TCF20: variants seen among roughly 807,000 people sequenced by gnomAD.
TCF20 encodes transcription factor 20.
Under a neutral mutation model 148.6 loss-of-function variants are expected in TCF20, and 3 were observed. The observed-to-expected ratio is 0.02, with a 90% CI of 0.01 to 0.05. The LOEUF is 0.05. Among genes scored for constraint, TCF20 ranks in the 10% least tolerant of loss-of-function variants. The pLI is 1.00. For missense variants in TCF20, 2,350 were observed against 2,429.3 expected, an observed-to-expected ratio of 0.97 and a Z score of 0.69; for synonymous variants, 1,049 against 909.5, an observed-to-expected ratio of 1.15 and a Z score of -2.76.
intron 1 of TCF20, among the ~76,000 whole-genome samples, chr22:42,267,127 C>T (rs150711424): frequency 7.6e-4 from 116 of 152,070 alleles, no homozygotes; most frequent in African/African-American, 2.6e-3. Context: ...ATTAGCCAGG[C>T]GAGGTGGCGC....
At chr22:42,229,536 A>T (rs1923207167) in intron 1 of TCF20, among the ~76,000 whole-genome samples, 1 of 152,196 alleles carries the variant, frequency 6.6e-6, no homozygotes, top group South Asian at 2.1e-4. Flanking sequence ...CAAGAGAGTA[A>T]CGCAGGTACA....
chr22:42,220,014 G>A (rs1159631770), intron 1 of TCF20, among the ~76,000 whole-genome samples: 1 of 152,184 alleles, frequency 6.6e-6, no homozygotes, highest in African/African-American at 2.4e-5. Flanking sequence ...ACATTCCAGA[G>A]TCCATGTGCC....
chr22:42,214,639 C>T lies in TCF20; in HGVS notation c.667G>A (p.Gly223Ser), dbSNP rs781176775. 1.9e-6 allele frequency: 3 copies of T among 1,614,024 alleles called. No homozygotes were observed. The highest frequency in any genetic ancestry group is 2.5e-6 in the Non-Finnish European group (3 of 1,180,044). ...RPSTLPSSAA[G>S]YQLRVGQFGQ... ...AACTGACCCACTCTTAACTGGTAAC[C>T]AGCAGCAGAGGATGGCAGAGTTGAG... Residue 223 changes from glycine to serine, a missense_variant, in exon 2 of 6, where the codon GGT becomes AGT. By Grantham distance (56) the Gly-to-Ser change is moderately conservative. Around this residue, in one of 7 missense-constraint regions of TCF20, gnomAD observed 1,641 missense variants for 1,662.6 expected, o/e 0.99. Coordinates refer to ENST00000677622, the MANE Select transcript of TCF20 (RefSeq NM_001378418.1).
intron 1 of TCF20, among the ~76,000 whole-genome samples, chr22:42,216,750 T>C (rs1005345495): frequency 2.0e-5 from 3 of 151,950 alleles, no homozygotes; most frequent in Non-Finnish European, 4.4e-5. Flanking sequence ...GAGAGGAAAA[T>C]AGGAATTCAT....
chr22:42,249,206 C>T (rs1410168015), intron 1 of TCF20, among the ~76,000 whole-genome samples: 2 of 152,198 alleles, frequency 1.3e-5, no homozygotes, highest in Non-Finnish European at 2.9e-5. Context: ...CGAGAGATAA[C>T]ACCATTAGCT....
intron 1 of TCF20, among the ~76,000 whole-genome samples, chr22:42,331,150 C>T (rs1166898053): frequency 6.6e-6 from 1 of 152,220 alleles, no homozygotes; most frequent in African/African-American, 2.4e-5. Context: ...TTAGGGTAAT[C>T]ACGGGCTCCC....
rs187359847 is a variant in TCF20 at position 42,164,409 on chromosome 22, T to C, written c.*45-3051A>G. On this transcript the variant is annotated intron_variant, in intron 5 of 5. Coordinates refer to ENST00000677622, the MANE Select transcript of TCF20 (RefSeq NM_001378418.1). The stretch of plus-strand genomic sequence containing the variant: ...TTTTGTATTTTTAGTATTTTAGTGT[T>C]TTAATTTTTTGTATTTTTGTATTGT... Among the ~76,000 whole-genome samples, 217 of 152,202 alleles carry C rather than the reference T, an allele frequency of 1.4e-3. 1 individual carries two copies. The highest frequency in any genetic ancestry group is 1.3e-3 in the Non-Finnish European group (91 of 67,988).
chr22:42,326,971 T>A (rs1202025212), intron 1 of TCF20, among the ~76,000 whole-genome samples: 6 of 152,218 alleles, frequency 3.9e-5, no homozygotes, highest in Non-Finnish European at 8.8e-5. Context: ...GCAGATCTTT[T>A]TCCACAACAT....
intron 1 of TCF20, among the ~76,000 whole-genome samples, chr22:42,324,142 G>A (rs1601707055): frequency 1.4e-5 from 2 of 146,168 alleles, no homozygotes; most frequent in Non-Finnish European, 3.0e-5. Flanking sequence ...GGTGGTGGTG[G>A]TGGTGATAGA....
intron 1 of TCF20, among the ~76,000 whole-genome samples, chr22:42,312,190 G>C (rs1927548218): frequency 6.6e-6 from 1 of 152,214 alleles, no homozygotes; most frequent in African/African-American, 2.4e-5. Flanking sequence ...TGCCATCATG[G>C]ATGAGTGAAT....
rs756498199 is a variant in TCF20 at position 42,211,179 on chromosome 22, C to T, written c.4127G>A (p.Gly1376Glu). ...RSASSNSAEA[G>E]GDTVTLDDIL... ...ATCATCAAGCGTAACCGTGTCTCCC[C>T]CAGCCTCCGCACTGTTCGAAGATGC... Residue 1376 changes from glycine (G) to glutamate (E), a missense_variant, in exon 2 of 6, where the codon GGG becomes GAG. Physicochemically the swap from Gly to Glu is moderately conservative, Grantham distance 98. Transcript: ENST00000677622. The T allele has an allele frequency of 6.2e-7, 1 of 1,614,198 alleles. No individual in the cohort carries two copies. The highest frequency in any genetic ancestry group is 1.3e-5 in the African/African-American group (1 of 75,044).
chr22:42,230,407 T>C (rs1923294300), intron 1 of TCF20, among the ~76,000 whole-genome samples: 1 of 152,220 alleles, frequency 6.6e-6, no homozygotes, highest in African/African-American at 2.4e-5. Context: ...ACATAATACT[T>C]GAAAATAAAC....
intron 1 of TCF20, among the ~76,000 whole-genome samples, chr22:42,318,099 C>A (rs951344114): frequency 6.6e-6 from 1 of 152,176 alleles, no homozygotes; most frequent in Non-Finnish European, 1.5e-5. Flanking sequence ...CAGGCCCCAA[C>A]GGGGCACCAC....
upstream of TCF20, chr22:42,274,219 G>A (rs1347231369): frequency 6.6e-6 from 1 of 152,650 alleles, no homozygotes; most frequent in Non-Finnish European, 1.5e-5. Flanking sequence ...CTAACAGAGC[G>A]GGAAACTCCC....
chr22:42,243,816 A>G (rs1924677429), intron 1 of TCF20, among the ~76,000 whole-genome samples: 1 of 152,160 alleles, frequency 6.6e-6, no homozygotes, highest in Admixed American at 6.5e-5. Context: ...GTCTACTAAC[A>G]TTTCTCTTAA....
chr22:42,194,502 C>T (rs556559692), intron 2 of TCF20, among the ~76,000 whole-genome samples: 5 of 152,094 alleles, frequency 3.3e-5, no homozygotes, highest in Non-Finnish European at 4.4e-5. Context: ...AACGCTTATC[C>T]CTGTCCTGAT....
intron 1 of TCF20, among the ~76,000 whole-genome samples, chr22:42,268,059 T>A (rs528603288): frequency 1.3e-5 from 2 of 151,946 alleles, no homozygotes; most frequent in Non-Finnish European, 1.5e-5. Context: ...CGCAGGAGAA[T>A]CACCTGAAAC....
intron 1 of TCF20, among the ~76,000 whole-genome samples, chr22:42,334,706 A>C (rs1928036179): frequency 6.6e-6 from 1 of 152,238 alleles, no homozygotes; most frequent in African/African-American, 2.4e-5. Context: ...CAGCCTCACA[A>C]GGGTGGAATA....
At chr22:42,301,597 G>C (rs1261617814) in intron 1 of TCF20, among the ~76,000 whole-genome samples, 3 of 152,376 alleles carry the variant, frequency 2.0e-5, no homozygotes, top group African/African-American at 7.2e-5. Context: ...GTGTCTGCAA[G>C]AGCCATGCCA....
Sources: allele counts gnomAD v4.1 joint callset (sites outside exome capture counted in the v4.1 genomes callset), GRCh38; gene constraint gnomAD v4.1.1; regional missense constraint gnomAD v4.1.1; transcripts MANE v1.5; gene names NCBI Gene and HGNC (gene_info 2026-07-23, HGNC 2026-07-21).